Variants in PPP4R3A observed in about 807,000 individuals in gnomAD.
The protein encoded by PPP4R3A is serine/threonine-protein phosphatase 4 regulatory subunit 3A.
PPP4R3A carries 15 observed loss-of-function variants against 91.7 expected under a neutral mutation model. That is an observed-to-expected ratio of 0.16 (90% CI 0.11 to 0.25). The LOEUF is 0.25. Ranked by LOEUF, PPP4R3A falls within the 10% of genes least tolerant of loss-of-function variation. PPP4R3A has a pLI of 1.00. For missense variants in PPP4R3A, 623 were observed against 998.4 expected (o/e 0.62, Z 5.07); for synonymous variants, 377 against 348.7 (o/e 1.08, Z -0.91).
intron 1 of PPP4R3A, among the ~76,000 whole-genome samples, chr14:91,496,526 G>C (rs1890581338): frequency 6.6e-6 from 1 of 152,072 alleles, no homozygotes; most frequent in Non-Finnish European, 1.5e-5. Flanking sequence ...TCTCTTAGTA[G>C]TGTTTACAGG....
intron 2 of PPP4R3A, among the ~76,000 whole-genome samples, chr14:91,489,588 G>C (rs1025970441): frequency 3.3e-5 from 5 of 152,126 alleles, no homozygotes; most frequent in Non-Finnish European, 5.9e-5. Context: ...TGAGACACAT[G>C]AATCTGTTCA....
chr14:91,486,641 T>C (rs1413568413), intron 2 of PPP4R3A, among the ~76,000 whole-genome samples: 1 of 152,030 alleles, frequency 6.6e-6, no homozygotes, highest in Non-Finnish European at 1.5e-5. Context: ...AATATTTGGC[T>C]GGGCGTGGTG....
intron 2 of PPP4R3A, among the ~76,000 whole-genome samples, chr14:91,490,147 C>T (rs765442442): frequency 1.8e-4 from 28 of 152,274 alleles, no homozygotes; most frequent in Non-Finnish European, 3.2e-4. Context: ...GAAGCGCACG[C>T]GCGTGTGTAC....
intron 10 of PPP4R3A, among the ~76,000 whole-genome samples, chr14:91,467,495 ATT>A (rs1161787533): frequency 6.6e-6 from 1 of 152,208 alleles, no homozygotes; most frequent in Non-Finnish European, 1.5e-5. Flanking sequence ...CATGTAATAA[ATT>A]TGTGACTTTT....
intron 10 of PPP4R3A, among the ~76,000 whole-genome samples, chr14:91,470,543 A>G (rs1159860977): frequency 6.6e-6 from 1 of 152,184 alleles, no homozygotes; most frequent in South Asian, 2.1e-4. Flanking sequence ...ATCTGGCCTC[A>G]GCTGTAGTCT....
At chr14:91,470,047 AAAC>A (rs372950400) in intron 10 of PPP4R3A, among the ~76,000 whole-genome samples, 4,839 of 152,148 alleles carry the variant, frequency 0.032, 89 homozygotes, top group Non-Finnish European at 0.042. Flanking sequence ...TGACTGCTTC[AAAC>A]AACAACAACA....
intron 1 of PPP4R3A, among the ~76,000 whole-genome samples, chr14:91,502,763 G>A (rs1891042824): frequency 6.6e-6 from 1 of 152,202 alleles, no homozygotes; most frequent in African/African-American, 2.4e-5. Context: ...TCAAGTAACA[G>A]TGAGAATTTA....
chr14:91,508,007 CAT>C (rs1489696473), intron 1 of PPP4R3A, among the ~76,000 whole-genome samples: 4 of 152,064 alleles, frequency 2.6e-5, no homozygotes, highest in Non-Finnish European at 5.9e-5. Context: ...ACTTTCATCT[CAT>C]AAGAAGCTGA....
chr14:91,471,546 A>C (rs1170557716), intron 9 of PPP4R3A, among the ~76,000 whole-genome samples: 1 of 151,934 alleles, frequency 6.6e-6, no homozygotes, highest in Admixed American at 6.6e-5. Flanking sequence ...TCATTCCCCC[A>C]CGTTTAGATT....
At chr14:91,472,945 A>T in intron 9 of PPP4R3A, 88 bp downstream of exon 9, 1 of 1,183,534 alleles carries the variant, frequency 8.4e-7, no homozygotes, top group Non-Finnish European at 1.2e-6. Flanking sequence ...CCTCCCACTA[A>T]CTGCCTCCTA....
At chr14:91,470,729 G>C (rs529940749) in intron 10 of PPP4R3A, 108 bp downstream of exon 10, 5 of 1,265,282 alleles carry the variant, frequency 4.0e-6, no homozygotes, top group South Asian at 1.4e-5. Flanking sequence ...CTAGTATTAC[G>C]ACCTAGATCT....
In PPP4R3A at chr14:91,462,884, A is replaced by G; in HGVS notation, c.1831-7T>C. 1 of 1,583,750 alleles carries G rather than the reference A, an allele frequency of 6.3e-7. No homozygotes were observed. The highest frequency in any genetic ancestry group is 1.1e-5 in the South Asian group (1 of 89,038). On this transcript the variant is annotated splice_polypyrimidine_tract_variant and splice_region_variant and intron_variant, in intron 11 of 14. Coordinates refer to ENST00000554943, the MANE Select transcript of PPP4R3A (RefSeq NM_001366432.2). Reference sequence around the variant, plus strand: ...TTAATGATTTTATATCTTCCTACAGAAAAGAATAGTAATGAAAAAATGATA... The same window carrying G: ...TTAATGATTTTATATCTTCCTACAGGAAAGAATAGTAATGAAAAAATGATA...
rs573729155 is a variant in PPP4R3A, at chr14:91,496,761, T to C, written c.143-5959A>G. ...AATACCATATTCCCAAAGAGATAAG[T>C]AGGCTATAGAGGCTAGAACACCGGA... is the stretch of plus-strand genomic sequence containing the variant. On this transcript the variant is annotated intron_variant, in intron 1 of 14. Transcript: ENST00000554943. Among the ~76,000 whole-genome samples the C allele has an allele frequency of 9.2e-5, 14 of 152,234 alleles. 1 individual carries two copies. In the South Asian group the frequency reaches 2.7e-3, roughly 29 times the overall value.
At chr14:91,476,875 A>T (rs760765428) in intron 5 of PPP4R3A, 34 bp downstream of exon 5, 1 of 1,540,832 alleles carries the variant, frequency 6.5e-7, no homozygotes, top group South Asian at 1.2e-5. Flanking sequence ...CAGTTGTTTT[A>T]TTTTTATGCC....
chr14:91,476,387 A>G, intron 6 of PPP4R3A, 21 bp downstream of exon 6: 1 of 1,473,934 alleles, frequency 6.8e-7, no homozygotes, highest in African/African-American at 1.4e-5. Flanking sequence ...GTAATTAAAA[A>G]TGAGGAGACA....
chr14:91,470,792 C>G (rs371190592), intron 10 of PPP4R3A, 45 bp downstream of exon 10: 85 of 1,580,976 alleles, frequency 5.4e-5, no homozygotes, highest in Non-Finnish European at 6.8e-5. Flanking sequence ...GTAAAAAATA[C>G]CAACATGTCA....
At chr14:91,495,427 G>GC (rs1166169999) in intron 1 of PPP4R3A, among the ~76,000 whole-genome samples, 13 of 151,728 alleles carry the variant, frequency 8.6e-5, no homozygotes, top group African/African-American at 3.1e-4. Flanking sequence ...CAATTCTCCT[G>GC]CCTCAGCCAC....
chr14:91,469,229 G>C (rs534016420), intron 10 of PPP4R3A, among the ~76,000 whole-genome samples: 2 of 151,698 alleles, frequency 1.3e-5, no homozygotes, highest in South Asian at 4.2e-4. Flanking sequence ...TGGGTTAATT[G>C]TAAGACTCAT....
Position 91,509,986 on chromosome 14 carries a change from C to G in PPP4R3A, c.-339G>C. On this transcript the variant is annotated 5_prime_UTR_variant, in exon 1 of 15. Transcript: ENST00000554943. ...GCTCCCGTCACTGCCCTGCTCCCGCCTCCGCCATGATCTCCGCGAAGCAGC... is the reference window on the plus strand; with the variant it reads ...GCTCCCGTCACTGCCCTGCTCCCGCGTCCGCCATGATCTCCGCGAAGCAGC... 1.0e-6 allele frequency: 1 copy of G among 997,932 alleles called. No individual in the cohort carries two copies. The highest frequency in any genetic ancestry group is 1.2e-6 in the Non-Finnish European group (1 of 836,196). 61.8% of individuals were successfully genotyped at this position (997,932 alleles called of 1,614,324 possible). A position where few individuals can be genotyped will look rare whatever the true frequency, so the allele number is the denominator to read the frequency against.
Sources: gnomAD v4.1 joint callset for allele counts (sites outside exome capture counted in the v4.1 genomes callset) on GRCh38, gnomAD v4.1.1 for gene constraint, MANE v1.5 for transcripts, NCBI Gene and HGNC (gene_info 2026-07-23, HGNC 2026-07-21) for gene names.